Variants in RTN1 observed in about 807,000 individuals in gnomAD.
RTN1 encodes the protein reticulon-1.
In RTN1, 25 loss-of-function variants were observed where a neutral mutation model predicts 65.5. That is an observed-to-expected ratio of 0.38 (90% confidence interval 0.28 to 0.53). The LOEUF (loss-of-function observed/expected upper bound fraction) is 0.53. Among genes scored for constraint, RTN1 ranks in the 20% least tolerant of loss-of-function variants. The pLI is 0.79. For missense variants in RTN1, 983 were observed against 1,025.4 expected, an observed-to-expected ratio of 0.96 and a Z score of 0.57; for synonymous variants, 471 against 447.6, an observed-to-expected ratio of 1.05 and a Z score of -0.66.
At chr14:59,749,677 A>G (rs1200477512) in intron 1 of RTN1, among the ~76,000 whole-genome samples, 1 of 100,040 alleles carries the variant, frequency 1.0e-5, no homozygotes, top group African/African-American at 4.5e-5. Context: ...ATATTTATAT[A>G]TCTATATATT....
chr14:59,763,812 T>C (rs1016759437), intron 1 of RTN1, among the ~76,000 whole-genome samples: 3 of 152,180 alleles, frequency 2.0e-5, no homozygotes, highest in African/African-American at 7.2e-5. Flanking sequence ...ATTACAGGCA[T>C]GAGCCACCGC....
chr14:59,862,625 T>C (rs1339937331), intron 1 of RTN1, among the ~76,000 whole-genome samples: 3 of 152,222 alleles, frequency 2.0e-5, no homozygotes, highest in Admixed American at 6.5e-5. Flanking sequence ...ATCTATATAC[T>C]GCCTTGCATA....
At chr14:59,607,188 C>G in intron 4 of RTN1, 97 bp downstream of exon 4, 1 of 1,062,134 alleles carries the variant, frequency 9.4e-7, no homozygotes, top group Non-Finnish European at 1.4e-6. Context: ...TGTTGGGTCT[C>G]AGAGAAACAT....
chr14:59,713,152 T>TG (rs1884459683), intron 3 of RTN1, among the ~76,000 whole-genome samples: 1 of 152,030 alleles, frequency 6.6e-6, no homozygotes, highest in East Asian at 1.9e-4. Context: ...TAGCTAGTAG[T>TG]AAGTGGAGAA....
chr14:59,742,494 T>C (rs1005711212), intron 2 of RTN1, among the ~76,000 whole-genome samples: 13 of 152,212 alleles, frequency 8.5e-5, no homozygotes, highest in Non-Finnish European at 1.6e-4. Flanking sequence ...GTGTATATTA[T>C]GTAGTAAAAA....
chr14:59,647,339 C>A lies in RTN1; in HGVS notation c.1766-39847G>T, dbSNP rs566091133. Among the ~76,000 whole-genome samples the A allele has an allele frequency of 4.6e-5, 7 of 152,316 alleles. No individual in the cohort carries two copies. In the South Asian group the frequency reaches 1.2e-3, roughly 27 times the overall value. On this transcript the variant is annotated intron_variant, in intron 3 of 8. Coordinates refer to ENST00000267484, the MANE Select transcript of RTN1 (RefSeq NM_021136.3). ...ACCTGCAAAGAGACTTAGACTCCAA[C>A]ACAATAATAGTGGGAGACTTCAACA...
intron 3 of RTN1, among the ~76,000 whole-genome samples, chr14:59,710,804 A>T (rs1476031804): frequency 6.6e-6 from 1 of 152,224 alleles, no homozygotes; most frequent in Admixed American, 6.5e-5. Flanking sequence ...ACTGACTGTA[A>T]CCTGGGTATA....
chr14:59,862,648 C>T (rs1317395131), intron 1 of RTN1, among the ~76,000 whole-genome samples: 1 of 152,170 alleles, frequency 6.6e-6, no homozygotes, highest in Non-Finnish European at 1.5e-5. Flanking sequence ...TCCTCAAATC[C>T]ATTTCCCATC....
intron 1 of RTN1, among the ~76,000 whole-genome samples, chr14:59,824,364 AG>A (rs1479270157): frequency 6.6e-6 from 1 of 152,222 alleles, no homozygotes; most frequent in African/African-American, 2.4e-5. Context: ...TTTGTGAAAG[AG>A]GGTCTGTGGA....
At chr14:59,818,980 C>T (rs946481334) in intron 1 of RTN1, among the ~76,000 whole-genome samples, 2 of 152,074 alleles carry the variant, frequency 1.3e-5, no homozygotes, top group East Asian at 1.9e-4. Context: ...TGGAATTGTC[C>T]GTTCCTTCCA....
chr14:59,660,047 T>C (rs547896429), intron 3 of RTN1, among the ~76,000 whole-genome samples: 11 of 152,244 alleles, frequency 7.2e-5, no homozygotes, highest in Non-Finnish European at 1.5e-4. Context: ...TGTAGGAATA[T>C]TTACCAAGCA....
intron 3 of RTN1, among the ~76,000 whole-genome samples, chr14:59,703,281 G>A (rs1884219263): frequency 6.6e-6 from 1 of 152,164 alleles, no homozygotes; most frequent in Admixed American, 6.5e-5. Flanking sequence ...AATGTTGGAG[G>A]TGGAGCCCAG....
intron 1 of RTN1, among the ~76,000 whole-genome samples, chr14:59,848,994 T>G (rs1026564890): frequency 6.6e-6 from 1 of 152,124 alleles, no homozygotes; most frequent in African/African-American, 2.4e-5. Context: ...AAAATGCACA[T>G]TTGTTACCAG....
chr14:59,672,294 G>A (rs937981297), intron 3 of RTN1, among the ~76,000 whole-genome samples: 1 of 152,184 alleles, frequency 6.6e-6, no homozygotes, highest in African/African-American at 2.4e-5. Flanking sequence ...AGTGAAATTA[G>A]ACAGTGCACC....
chr14:59,659,966 A>G (rs1883209569), intron 3 of RTN1, among the ~76,000 whole-genome samples: 1 of 152,284 alleles, frequency 6.6e-6, no homozygotes, highest in Admixed American at 6.5e-5. Context: ...AAGAGTCGAA[A>G]CCCATCACTG....
intron 1 of RTN1, among the ~76,000 whole-genome samples, chr14:59,842,176 T>C (rs899054017): frequency 1.3e-5 from 2 of 150,470 alleles, no homozygotes; most frequent in East Asian, 3.9e-4. Context: ...GTAGAGCAGG[T>C]ACATGTCACA....
chr14:59,750,121 ATAT>A (rs1885425353), intron 1 of RTN1, among the ~76,000 whole-genome samples: 2 of 84,272 alleles, frequency 2.4e-5, no homozygotes, highest in African/African-American at 9.8e-5. Flanking sequence ...TATATAATAT[ATAT>A]TATCTATAAT....
intron 1 of RTN1, among the ~76,000 whole-genome samples, chr14:59,800,954 A>T (rs1166328832): frequency 6.6e-6 from 1 of 152,136 alleles, no homozygotes; most frequent in Non-Finnish European, 1.5e-5. Flanking sequence ...GTAAAAAAAA[A>T]AGTCCTTCAA....
chr14:59,806,646 C>G (rs1045090588), intron 1 of RTN1, among the ~76,000 whole-genome samples: 3 of 152,156 alleles, frequency 2.0e-5, no homozygotes, highest in African/African-American at 7.2e-5. Context: ...GCCCCACTGT[C>G]TGTTGTTCCC....
Sources: allele counts gnomAD v4.1 joint callset (sites outside exome capture counted in the v4.1 genomes callset), GRCh38; gene constraint gnomAD v4.1.1; transcripts MANE v1.5; gene names NCBI Gene and HGNC (gene_info 2026-07-23, HGNC 2026-07-21).